The following CSMD3 variants were observed in gnomAD, a reference collection of about 807,000 sequenced individuals.
The protein encoded by CSMD3 is CUB and Sushi multiple domains 3.
CSMD3 carries 177 observed loss-of-function variants against 435.2 expected under a neutral mutation model. The ratio of observed to expected loss-of-function variants is 0.41; its 90% confidence interval spans 0.36 to 0.46. The LOEUF (loss-of-function observed/expected upper bound fraction) is 0.46, where lower values mean the gene tolerates loss of function less well. CSMD3 is among the 20% of genes least tolerant of loss of function. The pLI is 0.34. For missense variants in CSMD3, 4,265 were observed against 4,504.6 expected (o/e 0.95, Z 1.52); for synonymous variants, 1,656 against 1,520.5 (o/e 1.09, Z -2.07).
chr8:113,173,057 A>T (rs1400616847), intron 4 of CSMD3, among the ~76,000 whole-genome samples: 2 of 152,204 alleles, frequency 1.3e-5, no homozygotes, highest in Non-Finnish European at 2.9e-5. Flanking sequence ...GCTGTCGTCT[A>T]TCAGAAAGAT....
intron 31 of CSMD3, among the ~76,000 whole-genome samples, chr8:112,476,581 C>G (rs925229098): frequency 6.6e-6 from 1 of 152,018 alleles, no homozygotes; most frequent in Admixed American, 6.6e-5. Context: ...AGTGATGATT[C>G]TAAAATGTGG....
intron 1 of CSMD3, among the ~76,000 whole-genome samples, chr8:113,322,756 T>C (rs192486535): frequency 6.6e-6 from 1 of 152,286 alleles, no homozygotes; most frequent in East Asian, 1.9e-4. Context: ...CTGGCTTTTT[T>C]TTATTTTTGA....
At chr8:112,702,869 C>T (rs928019586) in intron 13 of CSMD3, among the ~76,000 whole-genome samples, 6 of 152,200 alleles carry the variant, frequency 3.9e-5, no homozygotes, top group Admixed American at 1.3e-4. Context: ...GTTATCATTC[C>T]TGAAGCTACT....
rs1353812724 is a variant in CSMD3, at chr8:112,512,102, T to C, written c.4756+4932A>G. 3.3e-5 allele frequency among the ~76,000 whole-genome samples: 5 copies of C among 152,284 alleles called. No homozygotes were observed. In the East Asian group the frequency reaches 9.7e-4, roughly 30 times the overall value. ...AACACCCCCTCATCACAGTCATCCA[T>C]GAGGGTTAGAATCAACTTCTGCCAA... On this transcript the variant is annotated intron_variant, in intron 28 of 70. Coordinates refer to ENST00000297405, the MANE Select transcript of CSMD3 (RefSeq NM_198123.2).
chr8:112,294,828 G>A lies in CSMD3; in HGVS notation c.8614+1005C>T, dbSNP rs1355740098. On this transcript the variant is annotated intron_variant, in intron 54 of 70. Coordinates refer to ENST00000297405, the MANE Select transcript of CSMD3 (RefSeq NM_198123.2). ...TTTCTAAAATTACATATATTCATATGTTTTGTATGAATTTTAAAATAGTGT... is the reference window on the plus strand; with the variant it reads ...TTTCTAAAATTACATATATTCATATATTTTGTATGAATTTTAAAATAGTGT... Among the ~76,000 whole-genome samples the A allele has an allele frequency of 2.0e-5, 3 of 152,072 alleles. No individual in the cohort carries two copies. In the East Asian group the frequency reaches 5.8e-4, roughly 29 times the overall value.
chr8:112,832,940 G>C (rs1375537927), intron 11 of CSMD3, among the ~76,000 whole-genome samples: 3 of 151,916 alleles, frequency 2.0e-5, no homozygotes, highest in Non-Finnish European at 4.4e-5. Context: ...CCAATGATCA[G>C]CAAACCCTAA....
At chr8:112,861,719 T>C (rs773105522) in intron 10 of CSMD3, among the ~76,000 whole-genome samples, 2 of 151,890 alleles carry the variant, frequency 1.3e-5, no homozygotes, top group Non-Finnish European at 2.9e-5. Flanking sequence ...ATAAGGAATG[T>C]AGCGTGAAAG....
intron 5 of CSMD3, among the ~76,000 whole-genome samples, chr8:113,048,614 T>TTATA (rs1282177176): frequency 1.3e-5 from 2 of 152,204 alleles, no homozygotes; most frequent in Non-Finnish European, 2.9e-5. Context: ...TCTTAAACTT[T>TTATA]TATATAATAT....
At chr8:113,291,208 A>T (rs939331197) in intron 2 of CSMD3, among the ~76,000 whole-genome samples, 6 of 151,636 alleles carry the variant, frequency 4.0e-5, no homozygotes, top group Admixed American at 1.3e-4. Flanking sequence ...AGTTGCAATA[A>T]ATGTTTTGCT....
intron 5 of CSMD3, among the ~76,000 whole-genome samples, chr8:113,020,156 C>T (rs1345309257): frequency 4.5e-5 from 5 of 111,620 alleles, no homozygotes; most frequent in African/African-American, 1.9e-4. Flanking sequence ...GGCGACAGAG[C>T]GAGACTCCGT....
chr8:113,218,656 A>G (rs2092933407), intron 3 of CSMD3, among the ~76,000 whole-genome samples: 1 of 151,266 alleles, frequency 6.6e-6, no homozygotes, highest in African/African-American at 2.4e-5. Context: ...AATGAGAAAA[A>G]GTTAATAACT....
intron 24 of CSMD3, among the ~76,000 whole-genome samples, chr8:112,565,842 T>C (rs542543407): frequency 6.6e-6 from 1 of 151,976 alleles, no homozygotes; most frequent in African/African-American, 2.4e-5. Context: ...TACAAGTATA[T>C]AGGGCTAAAA....
chr8:112,458,606 G>A (rs117225239), intron 32 of CSMD3, among the ~76,000 whole-genome samples: 2,820 of 152,114 alleles, frequency 0.019, 49 homozygotes, highest in Non-Finnish European at 0.025. Flanking sequence ...AACATGAAGC[G>A]TTCTAGGCAA....
intron 13 of CSMD3, among the ~76,000 whole-genome samples, chr8:112,700,439 T>G (rs958085518): frequency 6.6e-6 from 1 of 152,044 alleles, no homozygotes; most frequent in Non-Finnish European, 1.5e-5. Flanking sequence ...AGGCAGAGGT[T>G]GTAATGAGGA....
intron 52 of CSMD3, among the ~76,000 whole-genome samples, chr8:112,303,145 C>A (rs1396468333): frequency 6.6e-6 from 1 of 152,148 alleles, no homozygotes; most frequent in East Asian, 1.9e-4. Context: ...TGAAATATTC[C>A]TATCCATGTG....
chr8:112,572,064 G>T (rs1323541965), intron 24 of CSMD3, among the ~76,000 whole-genome samples: 1 of 151,206 alleles, frequency 6.6e-6, no homozygotes, highest in Non-Finnish European at 1.5e-5. Context: ...GCCCATCTGA[G>T]CAGATCACAC....
intron 46 of CSMD3, 50 bp downstream of exon 46, chr8:112,319,851 A>G (rs1253310504): frequency 2.3e-5 from 31 of 1,325,288 alleles, no homozygotes; most frequent in Non-Finnish European, 3.3e-5. Context: ...TTTTAAGCAA[A>G]TAGTTCTGCC....
chr8:112,652,112 C>T (rs1440676512), intron 18 of CSMD3, among the ~76,000 whole-genome samples: 1 of 152,134 alleles, frequency 6.6e-6, no homozygotes, highest in Non-Finnish European at 1.5e-5. Context: ...TGGCTAATGG[C>T]ACCATGTTCA....
At chr8:112,661,605 A>C (rs2131683251) in intron 17 of CSMD3, among the ~76,000 whole-genome samples, 1 of 152,310 alleles carries the variant, frequency 6.6e-6, no homozygotes. Context: ...GACTCTCATT[A>C]GCAAATCAGC....
Sources: gnomAD v4.1 joint callset for allele counts (sites outside exome capture counted in the v4.1 genomes callset) on GRCh38, gnomAD v4.1.1 for gene constraint, MANE v1.5 for transcripts, NCBI Gene and HGNC (gene_info 2026-07-23, HGNC 2026-07-21) for gene names.